Variants in RASGEF1B observed in about 807,000 individuals in gnomAD.
The protein encoded by RASGEF1B is RasGEF domain family member 1B.
In RASGEF1B, 30 loss-of-function variants were observed where a neutral mutation model predicts 65.7. The observed-to-expected ratio is 0.46, with a 90% CI of 0.34 to 0.62. RASGEF1B has a LOEUF of 0.62. Ranked by LOEUF, RASGEF1B falls within the 20% of genes least tolerant of loss-of-function variation. The pLI, the probability that RASGEF1B is intolerant of heterozygous loss-of-function variation, is 0.01. For missense variants in RASGEF1B, 495 were observed against 580.1 expected, an observed-to-expected ratio of 0.85 and a Z score of 1.51; for synonymous variants, 175 against 194.8, an observed-to-expected ratio of 0.90 and a Z score of 0.85.
At chr4:81,435,388 G>A (rs1417573801) in intron 10 of RASGEF1B, among the ~76,000 whole-genome samples, 10 of 136,648 alleles carry the variant, frequency 7.3e-5, no homozygotes, top group East Asian at 2.2e-4. Flanking sequence ...TCCGCAGTCC[G>A]GCCTGGGCGA....
intron 1 of RASGEF1B, among the ~76,000 whole-genome samples, chr4:81,466,181 A>T (rs1217262408): frequency 6.6e-6 from 1 of 152,194 alleles, no homozygotes; most frequent in East Asian, 1.9e-4. Flanking sequence ...CCGAATTCCC[A>T]TCTAGATGCC....
At chr4:81,461,291 C>T (rs1018570732) in intron 1 of RASGEF1B, among the ~76,000 whole-genome samples, 2 of 152,180 alleles carry the variant, frequency 1.3e-5, no homozygotes, top group African/African-American at 2.4e-5. Context: ...AGATGAGAGG[C>T]ACCTAAAAGT....
chr4:81,470,829 C>T (rs1290814904), intron 1 of RASGEF1B, among the ~76,000 whole-genome samples: 1 of 152,140 alleles, frequency 6.6e-6, no homozygotes, highest in African/African-American at 2.4e-5. Flanking sequence ...GTTGCTTTTG[C>T]CTGAACTGCG....
At chr4:81,461,721 T>C (rs1722650721) in intron 1 of RASGEF1B, among the ~76,000 whole-genome samples, 1 of 152,106 alleles carries the variant, frequency 6.6e-6, no homozygotes, top group African/African-American at 2.4e-5. Flanking sequence ...AGTGGGAGAA[T>C]GTAGGTTGTA....
chr4:81,429,128 A>G (rs1721329476), intron 13 of RASGEF1B, among the ~76,000 whole-genome samples: 1 of 152,192 alleles, frequency 6.6e-6, no homozygotes, highest in Non-Finnish European at 1.5e-5. Context: ...AAAACCACAA[A>G]CACTACACAA....
At chr4:81,458,759 T>A (rs934991914) in intron 2 of RASGEF1B, among the ~76,000 whole-genome samples, 3 of 152,138 alleles carry the variant, frequency 2.0e-5, no homozygotes, top group African/African-American at 7.2e-5. Flanking sequence ...TCTCCTCTCT[T>A]CCCTCTTGGA....
intron 2 of RASGEF1B, among the ~76,000 whole-genome samples, chr4:81,458,041 A>G (rs974260441): frequency 6.6e-6 from 1 of 152,244 alleles, no homozygotes; most frequent in African/African-American, 2.4e-5. Context: ...CCAAATAAAA[A>G]ATAACAACAA....
chr4:81,432,166 T>C (rs948583909), intron 13 of RASGEF1B, 133 bp downstream of exon 13: 1 of 516,786 alleles, frequency 1.9e-6, no homozygotes, highest in African/African-American at 1.9e-5. Flanking sequence ...CCACAAAGAT[T>C]TGGTGTACAA....
chr4:81,434,655 C>A lies in RASGEF1B; in HGVS notation c.1184G>T (p.Gly395Val). Residue 395 changes from glycine to valine, a missense_variant, in exon 11 of 14, where the codon GGC becomes GTC. Physicochemically the swap from Gly to Val is moderately radical, Grantham distance 109. Coordinates refer to ENST00000264400, the MANE Select transcript of RASGEF1B (RefSeq NM_152545.3). The part of the protein sequence containing the change: ...NEGCANRLPN[G>V]HVNFEKFWEL... ...CACACTCACCTCAAAATTGACATGG[C>A]CATTGGGAAGGCGGTTGGCACAACC... The A allele has an allele frequency of 6.3e-7, 1 of 1,596,186 alleles. No homozygotes were observed. Among genetic ancestry groups the A allele is most frequent in the African/African-American group, 1.3e-5 (1 of 74,622 alleles).
intron 10 of RASGEF1B, among the ~76,000 whole-genome samples, chr4:81,438,535 T>A (rs553764228): frequency 2.6e-5 from 4 of 152,370 alleles, no homozygotes; most frequent in African/African-American, 9.6e-5. Flanking sequence ...TAAAAAGAGA[T>A]GGCATTTTTT....
chr4:81,457,631 C>G lies in RASGEF1B; in HGVS notation c.178-10G>C, dbSNP rs560613582. 6.2e-7 allele frequency: 1 copy of G among 1,610,762 alleles called. No individual in the cohort carries two copies. Among genetic ancestry groups the G allele is most frequent in the Admixed American group, 1.7e-5 (1 of 59,244 alleles). Reference sequence around the variant, plus strand: ...TAAATATGTATGTTCTCTGCAGCAACAGAAAAAAGTCATCATCGTTACATT... The same window carrying G: ...TAAATATGTATGTTCTCTGCAGCAAGAGAAAAAAGTCATCATCGTTACATT... On this transcript the variant is annotated splice_polypyrimidine_tract_variant and intron_variant, in intron 2 of 13. Transcript: ENST00000264400.
At chr4:81,466,799 A>AAAGAAAGT (rs1722844508) in intron 1 of RASGEF1B, among the ~76,000 whole-genome samples, 1 of 149,030 alleles carries the variant, frequency 6.7e-6, no homozygotes, top group Non-Finnish European at 1.5e-5. Context: ...AGAAAGAAAG[A>AAAGAAAGT]AAGAAAGAAA....
Position 81,457,553 on chromosome 4 carries a change from T to G in RASGEF1B, c.246A>C (p.Lys82Asn), listed in dbSNP as rs774302796. Residue 82 changes from lysine to asparagine, a missense_variant, in exon 3 of 14, where the codon AAA (lysine) becomes AAC (asparagine). Transcript: ENST00000264400. Reference protein sequence around the residue: ...LFMHPYELMAKVCHLCVEHQR... With the variant: ...LFMHPYELMANVCHLCVEHQR... Reference sequence around the variant, plus strand: ...GGTGCTCAACACATAAGTGGCAAACTTTGGCCATTAGCTCATACGGATGCA... The same window carrying G: ...GGTGCTCAACACATAAGTGGCAAACGTTGGCCATTAGCTCATACGGATGCA... 2.5e-6 allele frequency: 4 copies of G among 1,614,074 alleles called. No individual in the cohort carries two copies. The highest frequency in any genetic ancestry group is 3.4e-6 in the Non-Finnish European group (4 of 1,179,988).
At chr4:81,450,205 T>G (rs564622018) in intron 4 of RASGEF1B, among the ~76,000 whole-genome samples, 3 of 152,266 alleles carry the variant, frequency 2.0e-5, no homozygotes, top group Admixed American at 2.0e-4. Context: ...CTCTTTTAAT[T>G]TTATAAACTT....
chr4:81,459,322 G>A lies in RASGEF1B; in HGVS notation c.177+10C>T, dbSNP rs759080657. 23 of 1,563,806 alleles carry A rather than the reference G, an allele frequency of 1.5e-5. No individual in the cohort carries two copies. In the East Asian group the frequency reaches 4.8e-4, roughly 32 times the overall value. On this transcript the variant is annotated intron_variant, in intron 2 of 13. Coordinates refer to ENST00000264400, the MANE Select transcript of RASGEF1B (RefSeq NM_152545.3). ...CCAAGGATGTGTTTCAGAGAAACAT[G>A]AATACCTACATCTGGATAGTAATCC...
In RASGEF1B at chr4:81,427,613, G is replaced by T. The variant is rs1190868995; in HGVS notation, c.*155C>A. ...CTGCAGGAAATAAGTTCTCCATCTG[G>T]TCTTGAGTGAGCTTGTGTGCTTTGC... On this transcript the variant is annotated 3_prime_UTR_variant, in exon 14 of 14. Transcript: ENST00000264400. 6.2e-6 allele frequency: 4 copies of T among 646,758 alleles called. No homozygotes were observed. The highest frequency in any genetic ancestry group is 1.0e-5 in the Non-Finnish European group (4 of 389,016). 40.1% of individuals were successfully genotyped at this position (646,758 alleles called of 1,614,324 possible).
chr4:81,444,552 T>A (rs371804503), intron 8 of RASGEF1B, among the ~76,000 whole-genome samples: 63 of 152,346 alleles, frequency 4.1e-4, no homozygotes, highest in African/African-American at 1.5e-3. Context: ...TCTTCCTTTT[T>A]TTTTAGACGG....
intron 1 of RASGEF1B, among the ~76,000 whole-genome samples, chr4:81,465,037 T>C (rs1229656763): frequency 6.7e-6 from 1 of 149,370 alleles, no homozygotes; most frequent in Non-Finnish European, 1.5e-5. Flanking sequence ...TGAGCTAAGA[T>C]CGTGCCATTG....
intron 1 of RASGEF1B, among the ~76,000 whole-genome samples, chr4:81,467,353 T>C (rs1458729392): frequency 6.6e-6 from 1 of 152,174 alleles, no homozygotes; most frequent in African/African-American, 2.4e-5. Flanking sequence ...AAAGCTAAGA[T>C]TTGTCATCTT....
Sources: allele counts gnomAD v4.1 joint callset (sites outside exome capture counted in the v4.1 genomes callset), GRCh38; gene constraint gnomAD v4.1.1; transcripts MANE v1.5; gene names NCBI Gene and HGNC (gene_info 2026-07-23, HGNC 2026-07-21).